MRPS28: variants seen among roughly 807,000 people sequenced by gnomAD.
MRPS28 encodes the protein mitochondrial ribosomal protein S28, also known as small ribosomal subunit protein bS1m.
MRPS28 carries 7 observed loss-of-function variants against 10.8 expected under a neutral mutation model. That is an observed-to-expected ratio of 0.65 (90% CI 0.37 to 1.22). The LOEUF (loss-of-function observed/expected upper bound fraction) is 1.22, where lower values mean the gene tolerates loss of function less well. Ranked by LOEUF, MRPS28 falls within the 50% of genes most tolerant of loss-of-function variation. The pLI, the probability that MRPS28 is intolerant of heterozygous loss-of-function variation, is 0.02. For missense variants in MRPS28, 265 were observed against 232.9 expected (o/e 1.14, Z -0.90); for synonymous variants, 121 against 93.3 (o/e 1.30, Z -1.71).
chr8:79,970,265 G>A (rs1296057379), intron 2 of MRPS28, among the ~76,000 whole-genome samples: 1 of 152,008 alleles, frequency 6.6e-6, no homozygotes, highest in East Asian at 1.9e-4. Context: ...GTATATTGGG[G>A]GAAATCTGTG....
At chr8:80,019,029 C>T (rs1157794564) in intron 1 of MRPS28, among the ~76,000 whole-genome samples, 1 of 151,796 alleles carries the variant, frequency 6.6e-6, no homozygotes, top group Non-Finnish European at 1.5e-5. Context: ...TTAACCATCC[C>T]CACTCCCCTA....
chr8:79,944,772 T>C (rs1212775533), intron 2 of MRPS28, among the ~76,000 whole-genome samples: 5 of 150,302 alleles, frequency 3.3e-5, no homozygotes, highest in Non-Finnish European at 7.4e-5. Context: ...CTCATCTCAC[T>C]GCAACCTCCA....
At chr8:79,995,830 C>A (rs977678339) in intron 2 of MRPS28, among the ~76,000 whole-genome samples, 2 of 152,082 alleles carry the variant, frequency 1.3e-5, no homozygotes, top group Admixed American at 6.6e-5. Context: ...TTATTTTAAG[C>A]ACAACAAATT....
intron 2 of MRPS28, among the ~76,000 whole-genome samples, chr8:79,955,461 T>C (rs1366593924): frequency 6.6e-6 from 1 of 152,174 alleles, no homozygotes; most frequent in East Asian, 1.9e-4. Context: ...GGTGAGGATG[T>C]TGCCAAACTT....
intron 2 of MRPS28, among the ~76,000 whole-genome samples, chr8:79,979,584 C>T (rs1807895908): frequency 6.6e-6 from 1 of 152,056 alleles, no homozygotes; most frequent in African/African-American, 2.4e-5. Flanking sequence ...AGTGCAGTGG[C>T]ACAAACACAG....
chr8:79,925,154 T>C (rs1372405314), intron 2 of MRPS28, among the ~76,000 whole-genome samples: 2 of 152,000 alleles, frequency 1.3e-5, no homozygotes, highest in Admixed American at 6.6e-5. Flanking sequence ...TAATTTATTA[T>C]CCCAGGCCAT....
At chr8:79,925,861 T>C (rs1563517848) in intron 2 of MRPS28, among the ~76,000 whole-genome samples, 2 of 151,852 alleles carry the variant, frequency 1.3e-5, no homozygotes, top group African/African-American at 4.8e-5. Context: ...GTGGCAGGCG[T>C]CTGTGGTCCC....
chr8:79,919,056 A>C lies in MRPS28; in HGVS notation c.488T>G (p.Leu163Arg). The change falls in exon 3 of 3, where the codon CTA (leucine) becomes CGA (arginine). Residue 163 changes from leucine (L) to arginine (R), a missense_variant. Coordinates refer to ENST00000276585, the MANE Select transcript of MRPS28 (RefSeq NM_014018.3). Reference sequence around the variant, plus strand: ...TCCCAAGAGAACTGCATTAGCCTCTAGTACAGTTGTATCTGTTGTTGCTCC... The same window carrying C: ...TCCCAAGAGAACTGCATTAGCCTCTCGTACAGTTGTATCTGTTGTTGCTCC... ...FLGATTDTTV[L>R]EANAVLLGIQ... 6.2e-7 allele frequency: 1 copy of C among 1,611,086 alleles called. No individual in the cohort carries two copies. Among genetic ancestry groups the C allele is most frequent in the Non-Finnish European group, 8.5e-7 (1 of 1,178,782 alleles).
At chr8:80,027,873 A>G (rs559545359) in intron 1 of MRPS28, among the ~76,000 whole-genome samples, 1 of 152,320 alleles carries the variant, frequency 6.6e-6, no homozygotes, top group African/African-American at 2.4e-5. Context: ...AATGTTTTCT[A>G]AACTGTGTTA....
At chr8:79,971,047 C>T (rs115622332) in intron 2 of MRPS28, among the ~76,000 whole-genome samples, 2,032 of 152,246 alleles carry the variant, frequency 0.013, 62 homozygotes, top group African/African-American at 0.044. Flanking sequence ...GAGAGGAGGA[C>T]AGCAGGATTT....
In MRPS28 at chr8:79,949,134, G is replaced by A. The variant is rs539716463; in HGVS notation, c.396-29986C>T. Among the ~76,000 whole-genome samples, 7 of 152,170 alleles carry A rather than the reference G, an allele frequency of 4.6e-5. No homozygotes were observed. The South Asian group carries it at 6.2e-4, about 14-fold the overall frequency. The stretch of plus-strand genomic sequence containing the variant: ...TCTTCTGCTTTTAAAACTAATCTGC[G>A]GCTCGGTGCCGTGGCTCACACCTGT... On this transcript the variant is annotated intron_variant, in intron 2 of 2. Coordinates refer to ENST00000276585, the MANE Select transcript of MRPS28 (RefSeq NM_014018.3).
intron 2 of MRPS28, among the ~76,000 whole-genome samples, chr8:79,971,072 G>T (rs896431410): frequency 1.3e-5 from 2 of 152,220 alleles, no homozygotes; most frequent in African/African-American, 4.8e-5. Context: ...TACCAAATCA[G>T]CATGCCAGCA....
chr8:80,010,736 C>T (rs1282857003), intron 1 of MRPS28, among the ~76,000 whole-genome samples: 1 of 152,210 alleles, frequency 6.6e-6, no homozygotes, highest in Non-Finnish European at 1.5e-5. Context: ...ACCTCTGCTT[C>T]AGGAAAAAGA....
intron 2 of MRPS28, among the ~76,000 whole-genome samples, chr8:79,936,108 A>G (rs1191075674): frequency 6.6e-6 from 1 of 151,940 alleles, no homozygotes. Flanking sequence ...GCACTTTAGG[A>G]GGTCAAGGTG....
chr8:79,919,530 T>C (rs571884876), intron 2 of MRPS28, among the ~76,000 whole-genome samples: 1 of 152,228 alleles, frequency 6.6e-6, no homozygotes, highest in East Asian at 1.9e-4. Context: ...GGTCTCTCTA[T>C]GTTGCCCAGG....
chr8:80,014,532 C>G (rs181137253), intron 1 of MRPS28, among the ~76,000 whole-genome samples: 194 of 152,300 alleles, frequency 1.3e-3, no homozygotes, highest in African/African-American at 4.5e-3. Context: ...AACCTTGGCT[C>G]TACCGCTTAC....
chr8:80,026,331 T>C (rs1170607254), intron 1 of MRPS28, among the ~76,000 whole-genome samples: 3 of 152,168 alleles, frequency 2.0e-5, no homozygotes, highest in African/African-American at 7.2e-5. Context: ...CTAAAACTAA[T>C]GTGGTATTTT....
intron 2 of MRPS28, among the ~76,000 whole-genome samples, chr8:79,985,295 T>C (rs1808120496): frequency 6.6e-6 from 1 of 152,214 alleles, no homozygotes; most frequent in South Asian, 2.1e-4. Context: ...GGGAAATTTA[T>C]AGCACTAAAT....
At chr8:79,929,794 G>C (rs1806409293) in intron 2 of MRPS28, among the ~76,000 whole-genome samples, 1 of 152,126 alleles carries the variant, frequency 6.6e-6, no homozygotes, top group South Asian at 2.1e-4. Flanking sequence ...TGTGGTAATG[G>C]TGGAGTTTGA....
Sources: allele counts gnomAD v4.1 joint callset (sites outside exome capture counted in the v4.1 genomes callset), GRCh38; gene constraint gnomAD v4.1.1; transcripts MANE v1.5; gene names NCBI Gene and HGNC (gene_info 2026-07-23, HGNC 2026-07-21).